ADD1: variants seen among roughly 807,000 people sequenced by gnomAD.
ADD1 encodes adducin 1.
In ADD1, 24 loss-of-function variants were observed where a neutral mutation model predicts 80.5. The observed-to-expected ratio is 0.30, with a 90% CI of 0.22 to 0.42. The LOEUF (loss-of-function observed/expected upper bound fraction) is 0.42. ADD1 is among the 10% of genes least tolerant of loss of function. The probability of loss-of-function intolerance (pLI) is 1.00; values close to 1 mark genes in which losing one functional copy is unlikely to be tolerated. For missense variants in ADD1, 948 were observed against 1,019.0 expected, an observed-to-expected ratio of 0.93 and a Z score of 0.95; for synonymous variants, 373 against 393.8, an observed-to-expected ratio of 0.95 and a Z score of 0.63.
At chr4:2,900,921 C>G (rs1201734008) in intron 9 of ADD1, 1 of 152,172 alleles carries the variant, frequency 6.6e-6, no homozygotes, top group Non-Finnish European at 1.5e-5. Context: ...GAGTTTATGA[C>G]CTAATAAGAG....
chr4:2,881,037 CTA>C (rs1732224796), intron 2 of ADD1, among the ~76,000 whole-genome samples: 1 of 144,136 alleles, frequency 6.9e-6, no homozygotes, highest in Non-Finnish European at 1.5e-5. Flanking sequence ...AATCCTATCA[CTA>C]AAAGGATTAC....
In ADD1 at chr4:2,926,388, C is replaced by G; in HGVS notation, c.2047+276C>G. 1 of 702,088 alleles carries G rather than the reference C, an allele frequency of 1.4e-6. No individual in the cohort carries two copies. 43.5% of individuals were successfully genotyped at this position (702,088 alleles called of 1,614,324 possible). On this transcript the variant is annotated intron_variant, in intron 15 of 15. Coordinates refer to ENST00000683351, the MANE Select transcript of ADD1 (RefSeq NM_001354761.2). The surrounding 1 kb of genome is among the most constrained non-coding windows in gnomAD (Gnocchi z 5.0). ...GTCCACGTTGCCCATTGCTCGCACA[C>G]TCCTCGTGCCGTGTTGTCATGCAGA...
intron 1 of ADD1, among the ~76,000 whole-genome samples, chr4:2,863,245 A>G: frequency 8.8e-6 from 1 of 114,172 alleles, no homozygotes; most frequent in Non-Finnish European, 1.9e-5. Context: ...TTTTTGGTAG[A>G]GCTAGGGTTC....
At chr4:2,851,833 C>G (rs1727125380) in intron 1 of ADD1, among the ~76,000 whole-genome samples, 1 of 151,986 alleles carries the variant, frequency 6.6e-6, no homozygotes, top group Admixed American at 6.6e-5. Context: ...CATCCGGATA[C>G]TCAGTTTTTA....
At chr4:2,865,901 A>G (rs951593035) in intron 1 of ADD1, among the ~76,000 whole-genome samples, 68 of 152,374 alleles carry the variant, frequency 4.5e-4, no homozygotes, top group Non-Finnish European at 4.0e-4. Flanking sequence ...TGACATTGCC[A>G]GAAGATAAGT....
intron 1 of ADD1, among the ~76,000 whole-genome samples, chr4:2,848,888 T>A (rs1308211109): frequency 1.3e-5 from 2 of 152,208 alleles, no homozygotes; most frequent in Non-Finnish European, 2.9e-5. Context: ...AATTGCTATG[T>A]CAAAGAATAA....
chr4:2,867,031 A>G (rs2108849329), intron 1 of ADD1, among the ~76,000 whole-genome samples: 1 of 152,318 alleles, frequency 6.6e-6, no homozygotes, highest in South Asian at 2.1e-4. Context: ...ACATCACGCC[A>G]CTGCACTTCA....
At chr4:2,884,466 C>T (rs747863229) in intron 3 of ADD1, 49 bp from the exon 4 acceptor site, 5 of 1,451,246 alleles carry the variant, frequency 3.4e-6, no homozygotes, top group African/African-American at 1.4e-5. Flanking sequence ...ACTAGGACTA[C>T]AGGCGTATAC....
chr4:2,861,905 C>G (rs184113517), intron 1 of ADD1, among the ~76,000 whole-genome samples: 1 of 152,276 alleles, frequency 6.6e-6, no homozygotes, highest in South Asian at 2.1e-4. Context: ...AACACAAATT[C>G]GTAAACTTTC....
chr4:2,898,369 G>A (rs1241833059), intron 7 of ADD1, 42 bp downstream of exon 7: 1 of 1,614,020 alleles, frequency 6.2e-7, no homozygotes, highest in African/African-American at 1.3e-5. Context: ...ACAGCAGAAA[G>A]AAGAATAAAG....
intron 1 of ADD1, among the ~76,000 whole-genome samples, chr4:2,850,138 G>A (rs1726846199): frequency 1.3e-5 from 2 of 152,212 alleles, no homozygotes; most frequent in African/African-American, 4.8e-5. Flanking sequence ...CAATAGAAAG[G>A]ATTGAAGCAC....
intron 1 of ADD1, among the ~76,000 whole-genome samples, chr4:2,856,606 T>TC (rs1275716633): frequency 7.2e-6 from 1 of 139,832 alleles, no homozygotes; most frequent in South Asian, 2.2e-4. Flanking sequence ...TTTTTTTTTT[T>TC]CCTGAGACGG....
At chr4:2,863,528 T>C (rs918514071) in intron 1 of ADD1, among the ~76,000 whole-genome samples, 1 of 152,166 alleles carries the variant, frequency 6.6e-6, no homozygotes, top group Non-Finnish European at 1.5e-5. Context: ...GTAAAAATCA[T>C]TGCAAGAAGC....
chr4:2,914,641 G>C (rs182451283), intron 13 of ADD1: 45 of 409,782 alleles, frequency 1.1e-4, no homozygotes, highest in Non-Finnish European at 1.8e-4. Flanking sequence ...TCTGAAACCT[G>C]GAAGGCTCTG....
chr4:2,925,909 T>G (rs1185787303), intron 14 of ADD1, 105 bp from the exon 15 acceptor site: 1 of 878,690 alleles, frequency 1.1e-6, no homozygotes, highest in East Asian at 2.6e-5. Flanking sequence ...AGCCCTGCCT[T>G]CTCAGAGGGC....
At chr4:2,899,642 T>C (rs1735848792) in intron 9 of ADD1, 2 of 624,734 alleles carry the variant, frequency 3.2e-6, no homozygotes, top group African/African-American at 1.8e-5. Context: ...TTGTTTTATT[T>C]TTTAAAGATA....
Position 2,926,010 on chromosome 4 carries a change from G to A in ADD1, c.1949-4G>A. ...CCTACCATATCCTTCTTGCTTCTCT[G>A]CAGAGAATCTGGACGAGGCTAGAGA... On this transcript the variant is annotated splice_polypyrimidine_tract_variant and splice_region_variant and intron_variant, in intron 14 of 15. Coordinates refer to ENST00000683351, the MANE Select transcript of ADD1 (RefSeq NM_001354761.2). The surrounding 1 kb of genome is among the most constrained non-coding windows in gnomAD (Gnocchi z 5.0). 1 of 1,613,748 alleles carries A rather than the reference G, an allele frequency of 6.2e-7. No homozygotes were observed. Among genetic ancestry groups the A allele is most frequent in the Non-Finnish European group, 8.5e-7 (1 of 1,179,690 alleles).
chr4:2,918,152 T>C (rs1394027837), intron 14 of ADD1, among the ~76,000 whole-genome samples: 2 of 152,174 alleles, frequency 1.3e-5, no homozygotes. Context: ...TTTGTATCCA[T>C]GAGCATGGAA....
chr4:2,883,205 A>T (rs1407545565), intron 3 of ADD1, among the ~76,000 whole-genome samples: 1 of 152,120 alleles, frequency 6.6e-6, no homozygotes, highest in Non-Finnish European at 1.5e-5. Flanking sequence ...GTCAGGAGAA[A>T]CTTCCCTTCA....
Sources: gnomAD v4.1 joint callset for allele counts (sites outside exome capture counted in the v4.1 genomes callset) on GRCh38, gnomAD v4.1.1 for gene constraint, Gnocchi (gnomAD v3.1) non-coding constraint, MANE v1.5 for transcripts, NCBI Gene and HGNC (gene_info 2026-07-23, HGNC 2026-07-21) for gene names.